Variants in CRTAC1 observed in about 807,000 individuals in gnomAD.
CRTAC1 encodes the protein acidic secreted protein in cartilage.
CRTAC1 carries 37 observed loss-of-function variants against 67.8 expected under a neutral mutation model. That is an observed-to-expected ratio of 0.55 (90% CI 0.42 to 0.72). CRTAC1 has a LOEUF of 0.72. CRTAC1 is among the 30% of genes least tolerant of loss of function. CRTAC1 has a pLI of 0.00. For synonymous variants in CRTAC1, 348 were observed against 371.0 expected, an observed-to-expected ratio of 0.94 and a Z score of 0.71; for missense variants, 780 against 931.6, an observed-to-expected ratio of 0.84 and a Z score of 2.12.
At chr10:97,878,715 A>G (rs2050174641) in intron 14 of CRTAC1, 2 of 1,303,498 alleles carry the variant, frequency 1.5e-6, no homozygotes, top group Admixed American at 2.3e-5. Context: ...ACCTGAGATG[A>G]GCCAGGCCTA....
At chr10:98,028,311 T>C (rs1843282160) in intron 1 of CRTAC1, among the ~76,000 whole-genome samples, 1 of 152,186 alleles carries the variant, frequency 6.6e-6, no homozygotes, top group Non-Finnish European at 1.5e-5. Context: ...CTACAGCCAG[T>C]AAAGGGCAAG....
intron 3 of CRTAC1, among the ~76,000 whole-genome samples, chr10:97,933,942 C>T (rs2051042301): frequency 6.6e-6 from 1 of 152,096 alleles, no homozygotes; most frequent in Non-Finnish European, 1.5e-5. Context: ...TTGAAAGCTC[C>T]CCAGGTGACC....
At chr10:98,026,356 C>T (rs79540829) in intron 1 of CRTAC1, among the ~76,000 whole-genome samples, 1 of 152,318 alleles carries the variant, frequency 6.6e-6, no homozygotes, top group African/African-American at 2.4e-5. Context: ...ATAAAAGCCC[C>T]ACTGGACAAT....
At chr10:97,885,653 G>A (rs938418445) in intron 11 of CRTAC1, among the ~76,000 whole-genome samples, 2 of 152,214 alleles carry the variant, frequency 1.3e-5, no homozygotes, top group Non-Finnish European at 2.9e-5. Flanking sequence ...GTGGGGAGGA[G>A]GCGGGGGCTG....
chr10:97,876,238 C>A (rs1420680149), intron 14 of CRTAC1, among the ~76,000 whole-genome samples: 1 of 152,194 alleles, frequency 6.6e-6, no homozygotes, highest in East Asian at 1.9e-4. Context: ...CTTCGTCTGT[C>A]TGGGCTGTAT....
intron 7 of CRTAC1, 81 bp downstream of exon 7, chr10:97,904,588 T>G: frequency 1.4e-6 from 2 of 1,391,150 alleles, no homozygotes; most frequent in Non-Finnish European, 1.9e-6. Context: ...CCTGGCCAAT[T>G]TTTGGTATTT....
At chr10:97,997,788 T>A (rs1350027488) in intron 2 of CRTAC1, among the ~76,000 whole-genome samples, 1 of 152,154 alleles carries the variant, frequency 6.6e-6, no homozygotes, top group African/African-American at 2.4e-5. Context: ...GCAGTTTAGA[T>A]GCAATTGAAG....
At chr10:97,991,488 C>T (rs1329696523) in intron 2 of CRTAC1, among the ~76,000 whole-genome samples, 2 of 151,172 alleles carry the variant, frequency 1.3e-5, no homozygotes, top group South Asian at 4.2e-4. Context: ...ATTTTATCCC[C>T]CCGATAAAAA....
Position 97,952,123 on chromosome 10 carries a change from C to T in CRTAC1, c.225-15757G>A, listed in dbSNP as rs999275664. Among the ~76,000 whole-genome samples, 8 of 151,994 alleles carry T rather than the reference C, an allele frequency of 5.3e-5. 1 individual carries two copies. The highest frequency in any genetic ancestry group is 4.2e-4 in the South Asian group (2 of 4,808). ...ATTCCAGCACTTTGGGAGGCCGAGG[C>T]GGGCAGATCACAAGGTCAGGAGATC... On this transcript the variant is annotated intron_variant, in intron 2 of 14. Transcript: ENST00000370597.
At chr10:97,972,718 T>C (rs925164611) in intron 2 of CRTAC1, among the ~76,000 whole-genome samples, 6 of 152,216 alleles carry the variant, frequency 3.9e-5, no homozygotes, top group African/African-American at 9.7e-5. Context: ...ATCCACATAA[T>C]GAAATATTAT....
chr10:97,908,719 C>A (rs2050649391), intron 5 of CRTAC1, among the ~76,000 whole-genome samples: 1 of 152,214 alleles, frequency 6.6e-6, no homozygotes, highest in South Asian at 2.1e-4. Context: ...ACAAACCATT[C>A]TGCAGTAAAA....
intron 11 of CRTAC1, among the ~76,000 whole-genome samples, chr10:97,891,769 C>T (rs947519132): frequency 1.3e-5 from 2 of 152,206 alleles, no homozygotes; most frequent in South Asian, 2.1e-4. Context: ...GCTCCCCCAT[C>T]GGTCAGGAAG....
intron 2 of CRTAC1, among the ~76,000 whole-genome samples, chr10:97,954,786 A>G (rs1039065764): frequency 6.6e-6 from 1 of 152,154 alleles, no homozygotes; most frequent in Non-Finnish European, 1.5e-5. Flanking sequence ...CAACAAGGTC[A>G]CACTCCCTTC....
At position 97,923,333 on chromosome 10, in the gene CRTAC1, A is replaced by G; in HGVS notation, c.489T>C (p.Asp163=). Residue 163 remains aspartate (D), a synonymous_variant, in exon 4 of 15, where the codon GAT becomes GAC. Transcript: ENST00000370597. ...RNNRWEDILS[D]EVNVARGVAS... is the part of the protein sequence containing the mutation. The stretch of plus-strand genomic sequence containing the variant: ...CCACACCACGGGCCACGTTGACCTC[A>G]TCGCTCAGGATGTCTTCCCACCGGT... 4.3e-6 allele frequency: 7 copies of G among 1,614,102 alleles called. No homozygotes were observed. Among genetic ancestry groups the G allele is most frequent in the Non-Finnish European group, 5.9e-6 (7 of 1,180,032 alleles).
intron 1 of CRTAC1, among the ~76,000 whole-genome samples, chr10:98,016,289 G>T (rs59854232): frequency 0.012 from 1,840 of 152,318 alleles, 45 homozygotes; most frequent in African/African-American, 0.042. Flanking sequence ...CCATCATAGT[G>T]CCTGGTACCT....
intron 1 of CRTAC1, among the ~76,000 whole-genome samples, chr10:98,022,879 G>T (rs1188790785): frequency 6.6e-6 from 1 of 152,164 alleles, no homozygotes; most frequent in Non-Finnish European, 1.5e-5. Context: ...TGAACATCCT[G>T]GGGCCAGGGG....
intron 2 of CRTAC1, among the ~76,000 whole-genome samples, chr10:97,991,295 G>T (rs1842450592): frequency 6.6e-6 from 1 of 151,342 alleles, no homozygotes; most frequent in Non-Finnish European, 1.5e-5. Context: ...CACCTGTAGT[G>T]TCAGCTACTT....
intron 3 of CRTAC1, among the ~76,000 whole-genome samples, chr10:97,935,741 T>C (rs1357038504): frequency 6.6e-6 from 1 of 152,140 alleles, no homozygotes; most frequent in Non-Finnish European, 1.5e-5. Flanking sequence ...CAGAACATTT[T>C]AGAAAGGTCC....
chr10:97,922,980 T>C (rs534854625), intron 4 of CRTAC1, among the ~76,000 whole-genome samples: 9 of 152,324 alleles, frequency 5.9e-5, no homozygotes, highest in Non-Finnish European at 1.3e-4. Flanking sequence ...TGGGCTCCCA[T>C]GCAAGTCACT....
Sources: allele counts gnomAD v4.1 joint callset (sites outside exome capture counted in the v4.1 genomes callset), GRCh38; gene constraint gnomAD v4.1.1; transcripts MANE v1.5; gene names NCBI Gene and HGNC (gene_info 2026-07-23, HGNC 2026-07-21).